TOP3B: variants seen among roughly 807,000 people sequenced by gnomAD.
The protein encoded by TOP3B is DNA topoisomerase 3-beta-1.
TOP3B carries 45 observed loss-of-function variants against 93.9 expected under a neutral mutation model. The observed-to-expected ratio is 0.48, with a 90% CI of 0.38 to 0.61. The LOEUF is 0.61. TOP3B is among the 20% of genes least tolerant of loss of function. The pLI is 0.00. For missense variants in TOP3B, 750 were observed against 1,156.1 expected, an observed-to-expected ratio of 0.65 and a Z score of 5.09; for synonymous variants, 357 against 472.6, an observed-to-expected ratio of 0.76 and a Z score of 3.17.
chr22:21,959,833 C>T (rs1185102357), intron 14 of TOP3B, 97 bp from the exon 15 acceptor site: 13 of 1,506,396 alleles, frequency 8.6e-6, no homozygotes, highest in South Asian at 2.6e-5. Context: ...TCACCCCTCC[C>T]GCTCTGGCCC....
intron 6 of TOP3B, chr22:21,969,971 T>G: frequency 2.6e-6 from 1 of 381,550 alleles, no homozygotes; most frequent in Non-Finnish European, 4.7e-6. Flanking sequence ...GGTCTTGTTA[T>G]GCTGCCCAGG....
chr22:21,962,250 G>A (rs767591452), intron 13 of TOP3B, 179 bp downstream of exon 13: 2 of 1,559,404 alleles, frequency 1.3e-6, no homozygotes, highest in Non-Finnish European at 1.7e-6. Flanking sequence ...GCCTCAGGAG[G>A]GGATGCCCGC....
intron 3 of TOP3B, 138 bp downstream of exon 3, chr22:21,974,219 A>G: frequency 9.0e-7 from 1 of 1,114,824 alleles, no homozygotes; most frequent in South Asian, 1.7e-5. Context: ...TCTCATTGCT[A>G]CTTCATGATC....
chr22:21,968,970 C>T, intron 6 of TOP3B, 195 bp from the exon 7 acceptor site: 1 of 585,132 alleles, frequency 1.7e-6, no homozygotes, highest in East Asian at 2.9e-5. Context: ...GGTGACAGAG[C>T]CAGTGAGAGA....
intron 16 of TOP3B, 46 bp from the exon 17 acceptor site, chr22:21,958,739 G>T: frequency 1.3e-6 from 2 of 1,539,756 alleles, no homozygotes; most frequent in South Asian, 1.2e-5. Flanking sequence ...TGGGGCCACC[G>T]ACTTGGCACC....
At chr22:21,972,795 C>T (rs914397484) in intron 3 of TOP3B, 77 bp from the exon 4 acceptor site, 15 of 1,199,510 alleles carry the variant, frequency 1.3e-5, no homozygotes, top group Non-Finnish European at 1.7e-5. Context: ...AGGATGTTGG[C>T]CTCATCCCAC....
chr22:21,968,671 T>C lies in TOP3B; in HGVS notation c.686A>G (p.His229Arg), dbSNP rs1294899244. Residue 229 changes from histidine to arginine, a missense_variant, in exon 7 of 18, where the codon CAT (histidine) becomes CGT (arginine). Coordinates refer to ENST00000357179, the MANE Select transcript of TOP3B (RefSeq NM_001282112.2). The stretch of plus-strand genomic sequence containing the variant: ...TGGTTTGAAGGACTGGATTTTATCA[T>C]GTCTCTCCACACAGAATCCCAGGGT... ...TPTLGFCVER[H>R]DKIQSFKPET... 1.2e-6 allele frequency: 2 copies of C among 1,614,204 alleles called. No homozygotes were observed. The highest frequency in any genetic ancestry group is 1.1e-5 in the South Asian group (1 of 91,078).
In TOP3B at chr22:21,970,259, C is replaced by T. The variant is rs536152263; in HGVS notation, c.532G>A (p.Val178Met). Reference sequence around the variant, plus strand: ...AGGTCCAGCTCCTGGCGAGCATCCACTGAGAGCGCCTCGTTGTGGTCAGGC... The same window carrying T: ...AGGTCCAGCTCCTGGCGAGCATCCATTGAGAGCGCCTCGTTGTGGTCAGGC... The part of the protein sequence containing the change: ...GEPDHNEALS[V>M]DARQELDLRI... Residue 178 changes from valine (V) to methionine (M), a missense_variant, in exon 6 of 18, where the codon GTG (valine) becomes ATG (methionine). By Grantham distance (21) the Val-to-Met change is conservative. Coordinates refer to ENST00000357179, the MANE Select transcript of TOP3B (RefSeq NM_001282112.2). This position sits in a 1 kb window ranked among gnomAD's most constrained non-coding sequence, Gnocchi z 4.4. The T allele has an allele frequency of 6.2e-7, 1 of 1,613,874 alleles. No individual in the cohort carries two copies. The highest frequency in any genetic ancestry group is 8.5e-7 in the Non-Finnish European group (1 of 1,180,024).
intron 13 of TOP3B, chr22:21,961,391 A>C (rs575724977): frequency 6.6e-6 from 1 of 152,436 alleles, no homozygotes; most frequent in East Asian, 1.9e-4. Context: ...TCCTGTTCAG[A>C]AGGTAACACC....
At chr22:21,958,037 G>A in intron 17 of TOP3B, 1 of 1,310,422 alleles carries the variant, frequency 7.6e-7, no homozygotes, top group Non-Finnish European at 1.0e-6. Flanking sequence ...CACGGTGAAT[G>A]TGGGCAGATG....
chr22:21,962,161 G>C, intron 13 of TOP3B: 1 of 1,394,482 alleles, frequency 7.2e-7, no homozygotes, highest in South Asian at 1.5e-5. Flanking sequence ...CCTTGTGGGC[G>C]TTAGTCGGTG....
chr22:21,964,343 G>A, intron 9 of TOP3B, 28 bp from the exon 10 acceptor site: 1 of 1,610,730 alleles, frequency 6.2e-7, no homozygotes, highest in Non-Finnish European at 8.5e-7. Flanking sequence ...TTCTCAGAGG[G>A]CCAGGTACGT....
chr22:21,969,093 G>C (rs1218486559), intron 6 of TOP3B: 3 of 256,828 alleles, frequency 1.2e-5, no homozygotes, highest in Non-Finnish European at 2.2e-5. Flanking sequence ...ATCAAGCAGG[G>C]CATATGTGAT....
At position 21,959,037 on chromosome 22, in the gene TOP3B, A is replaced by G. The variant is rs888232936; in HGVS notation, c.1905+95T>C. On this transcript the variant is annotated intron_variant, in intron 16 of 17. Transcript: ENST00000357179. ...TATGTTCCATCATTCTTTTGTGACA[A>G]CCAGGACAAAGAACATGATTCCTGC... The G allele has an allele frequency of 8.5e-6, 13 of 1,528,854 alleles. No homozygotes were observed. The East Asian group carries it at 9.1e-5, about 11-fold the overall frequency. 94.7% of individuals were successfully genotyped at this position (1,528,854 alleles called of 1,614,324 possible).
At chr22:21,958,898 T>G (rs750319788) in intron 16 of TOP3B, 20 of 1,051,020 alleles carry the variant, frequency 1.9e-5, no homozygotes, top group Non-Finnish European at 2.7e-5. Context: ...TTAATGCCCA[T>G]GATGGCAAGT....
intron 3 of TOP3B, 56 bp from the exon 4 acceptor site, chr22:21,972,774 A>G: frequency 1.4e-6 from 2 of 1,428,114 alleles, no homozygotes; most frequent in Non-Finnish European, 2.0e-6. Context: ...CGAGACCATC[A>G]TAACCCCAGG....
intron 1 of TOP3B, among the ~76,000 whole-genome samples, chr22:21,979,941 C>CCA (rs2084590205): frequency 3.7e-5 from 2 of 53,442 alleles, no homozygotes; most frequent in East Asian, 5.9e-4. Context: ...ACTCCATCTC[C>CCA]AAAAAAAAAA....
chr22:21,972,153 T>A (rs574192868), intron 4 of TOP3B: 1 of 550,250 alleles, frequency 1.8e-6, no homozygotes, highest in African/African-American at 1.9e-5. Context: ...TTGATGTTTT[T>A]TGGACCAAAA....
At chr22:21,960,056 C>T in intron 14 of TOP3B, 1 of 629,950 alleles carries the variant, frequency 1.6e-6, no homozygotes, top group East Asian at 2.8e-5. Flanking sequence ...CCTGGGGAAC[C>T]TCCAGGGAAC....
Sources: allele counts gnomAD v4.1 joint callset (sites outside exome capture counted in the v4.1 genomes callset), GRCh38; gene constraint gnomAD v4.1.1; non-coding constraint Gnocchi (gnomAD v3.1); transcripts MANE v1.5; gene names NCBI Gene and HGNC (gene_info 2026-07-23, HGNC 2026-07-21).